KIF26B: variants seen among roughly 807,000 people sequenced by gnomAD.
KIF26B encodes kinesin family member 26B, also known as kinesin-like protein KIF26B.
In KIF26B, 63 loss-of-function variants were observed where a neutral mutation model predicts 151.2. The ratio of observed to expected loss-of-function variants is 0.42; its 90% CI spans 0.34 to 0.51. The LOEUF is 0.51. KIF26B is among the 20% of genes least tolerant of loss of function. The pLI, the probability that KIF26B is intolerant of heterozygous loss-of-function variation, is 0.07. For missense variants in KIF26B, 2,813 were observed against 2,913.6 expected, an observed-to-expected ratio of 0.97 and a Z score of 0.79; for synonymous variants, 1,357 against 1,262.1, an observed-to-expected ratio of 1.08 and a Z score of -1.59.
chr1:245,457,187 A>G (rs574175401), intron 4 of KIF26B, among the ~76,000 whole-genome samples: 189 of 152,136 alleles, frequency 1.2e-3, no homozygotes, highest in African/African-American at 4.3e-3. Context: ...TTTTAATGAG[A>G]GAATGACCTA....
At chr1:245,299,099 G>A (rs892677393) in intron 2 of KIF26B, among the ~76,000 whole-genome samples, 29 of 152,144 alleles carry the variant, frequency 1.9e-4, no homozygotes, top group African/African-American at 5.8e-4. Flanking sequence ...AACCCAGCTC[G>A]CTGCCTCCCG....
At chr1:245,484,090 T>A (rs1316558239) in intron 4 of KIF26B, among the ~76,000 whole-genome samples, 1 of 151,814 alleles carries the variant, frequency 6.6e-6, no homozygotes. Context: ...TCCCACGCCA[T>A]TTTTTTATTT....
chr1:245,688,047 G>C lies in KIF26B; in HGVS notation c.5064G>C (p.Leu1688=), dbSNP rs369613576. 65 of 1,554,962 alleles carry C rather than the reference G, an allele frequency of 4.2e-5. No homozygotes were observed. The African/African-American group carries it at 7.6e-4, about 18-fold the overall frequency. Residue 1688 remains leucine (L), a synonymous_variant, in exon 12 of 15, where the codon CTG becomes CTC. Coordinates refer to ENST00000407071, the MANE Select transcript of KIF26B (RefSeq NM_018012.4). The part of the protein sequence containing the change: ...ECLSLERAES[L]SSVSSRLHAG... ...TCTCCCTGGAGCGGGCCGAGAGCCT[G>C]TCCTCCGTGAGCTCCCGGCTGCACG...
intron 2 of KIF26B, among the ~76,000 whole-genome samples, chr1:245,236,618 T>C (rs1183591807): frequency 1.3e-5 from 2 of 152,242 alleles, no homozygotes; most frequent in African/African-American, 4.8e-5. Flanking sequence ...TGTTGTATTT[T>C]CTTGAAGCAA....
Position 245,698,802 on chromosome 1 carries a change from T to C in KIF26B, c.6028-85T>C, listed in dbSNP as rs1373503938. On this transcript the variant is annotated intron_variant, in intron 13 of 14. Transcript: ENST00000407071. The surrounding 1 kb of genome is among the most constrained non-coding windows in gnomAD (Gnocchi z 4.0). ...ACACGTCTCCAAGCCCAGCCTGTTT[T>C]CCATCAACGATACTCACAGGTGCTC... 2.7e-6 allele frequency: 4 copies of C among 1,506,836 alleles called. No homozygotes were observed. The African/African-American group carries it at 5.5e-5, about 21-fold the overall frequency. 93.3% of individuals were successfully genotyped at this position (1,506,836 alleles called of 1,614,324 possible).
At chr1:245,568,273 T>C (rs1455347167) in intron 5 of KIF26B, among the ~76,000 whole-genome samples, 1 of 148,520 alleles carries the variant, frequency 6.7e-6, no homozygotes, top group Non-Finnish European at 1.5e-5. Context: ...CCCAACACTT[T>C]GGGAAGCCAA....
Position 245,602,962 on chromosome 1 carries a change from C to A in KIF26B, c.1557+179C>A, listed in dbSNP as rs547614664. 1.1e-4 allele frequency among the ~76,000 whole-genome samples: 17 copies of A among 152,178 alleles called. No homozygotes were observed. The highest frequency in any genetic ancestry group is 9.6e-5 in the African/African-American group (4 of 41,516). On this transcript the variant is annotated intron_variant, in intron 6 of 14. Coordinates refer to ENST00000407071, the MANE Select transcript of KIF26B (RefSeq NM_018012.4). The surrounding 1 kb of genome is among the most constrained non-coding windows in gnomAD (Gnocchi z 4.5). ...GTGCTTTTGAATTACTGGTGTCAGA[C>A]CTTGGGCAGGATCAGTGTGCACAGA...
intron 4 of KIF26B, among the ~76,000 whole-genome samples, chr1:245,425,328 A>T (rs114994827): frequency 0.019 from 2,930 of 152,310 alleles, 43 homozygotes; most frequent in Non-Finnish European, 0.031. Context: ...TGAACCCTGA[A>T]ACAGAAAATG....
rs142321082 is a variant in KIF26B at position 245,241,976 on chromosome 1, T to A, written c.465+85293T>A. The stretch of plus-strand genomic sequence containing the variant: ...TGAAATTCTCACGCCTTCTAGATCC[T>A]CTGTGCTTTTCATCACACTATTTCC... On this transcript the variant is annotated intron_variant, in intron 2 of 14. Transcript: ENST00000407071. This position sits in a 1 kb window ranked among gnomAD's most constrained non-coding sequence, Gnocchi z 5.0. 4.6e-4 allele frequency among the ~76,000 whole-genome samples: 70 copies of A among 152,340 alleles called. 1 individual carries two copies. Among genetic ancestry groups the A allele is most frequent in the Admixed American group, 1.2e-3 (19 of 15,302 alleles).
At chr1:245,485,768 C>A (rs1272740211) in intron 4 of KIF26B, among the ~76,000 whole-genome samples, 2 of 152,188 alleles carry the variant, frequency 1.3e-5, no homozygotes, top group East Asian at 3.9e-4. Flanking sequence ...GCTGTGTAGC[C>A]GTTTTCTGTG....
At chr1:245,422,913 A>C (rs1360056036) in intron 4 of KIF26B, among the ~76,000 whole-genome samples, 1 of 152,118 alleles carries the variant, frequency 6.6e-6, no homozygotes, top group Admixed American at 6.5e-5. Flanking sequence ...AGCCTGGCCA[A>C]CATGGTGAGA....
intron 2 of KIF26B, among the ~76,000 whole-genome samples, chr1:245,235,345 GC>G (rs773150507): frequency 2.0e-5 from 3 of 151,934 alleles, no homozygotes; most frequent in Non-Finnish European, 4.4e-5. Flanking sequence ...TAATTCCAGT[GC>G]TTTGAGAGGC....
Position 245,700,822 on chromosome 1 carries a change from G to A in KIF26B, c.6179-1636G>A, listed in dbSNP as rs1323973221. Among the ~76,000 whole-genome samples, 5 of 152,244 alleles carry A rather than the reference G, an allele frequency of 3.3e-5. No homozygotes were observed. In the East Asian group the frequency reaches 5.8e-4, roughly 18 times the overall value. ...CGAGGGCGCTGGTTACTGTCTGCGC[G>A]TGACATGCGCACGGGGCGCTGTGCT... On this transcript the variant is annotated intron_variant, in intron 14 of 14. Transcript: ENST00000407071.
At chr1:245,280,423 C>T (rs1353923542) in intron 2 of KIF26B, among the ~76,000 whole-genome samples, 11 of 147,892 alleles carry the variant, frequency 7.4e-5, no homozygotes, top group East Asian at 4.0e-4. Context: ...CCCAGTTGCT[C>T]GGGAGGCTGA....
At chr1:245,334,259 C>T (rs982237543) in intron 2 of KIF26B, among the ~76,000 whole-genome samples, 1 of 152,232 alleles carries the variant, frequency 6.6e-6, no homozygotes, top group Non-Finnish European at 1.5e-5. Flanking sequence ...CAAGCAATCT[C>T]ATAGGTGGCT....
At chr1:245,182,470 C>T (rs557667782) in intron 2 of KIF26B, among the ~76,000 whole-genome samples, 1 of 152,254 alleles carries the variant, frequency 6.6e-6, no homozygotes, top group South Asian at 2.1e-4. Flanking sequence ...TATATCCATT[C>T]ACCAGTCGAT....
At chr1:245,155,690 G>A (rs1376325809) in intron 1 of KIF26B, among the ~76,000 whole-genome samples, 1 of 152,244 alleles carries the variant, frequency 6.6e-6, no homozygotes, top group African/African-American at 2.4e-5. Context: ...AATTTTTTCA[G>A]CCCTCTCGTT....
chr1:245,394,497 C>A (rs1349991094), intron 3 of KIF26B, among the ~76,000 whole-genome samples: 1 of 151,956 alleles, frequency 6.6e-6, no homozygotes, highest in Admixed American at 6.6e-5. Flanking sequence ...GTGGCACAGG[C>A]CTGTAGTCTC....
At chr1:245,535,544 T>C (rs1661472276) in intron 4 of KIF26B, among the ~76,000 whole-genome samples, 1 of 152,168 alleles carries the variant, frequency 6.6e-6, no homozygotes, top group African/African-American at 2.4e-5. Context: ...CGCATCCCTC[T>C]CCCTCGTATT....
Sources: allele counts gnomAD v4.1 joint callset (sites outside exome capture counted in the v4.1 genomes callset), GRCh38; gene constraint gnomAD v4.1.1; non-coding constraint Gnocchi (gnomAD v3.1); transcripts MANE v1.5; gene names NCBI Gene and HGNC (gene_info 2026-07-23, HGNC 2026-07-21).